The following RNF150 variants were observed in gnomAD, a reference collection of about 807,000 sequenced individuals.
RNF150 encodes the protein ring finger protein 150.
A neutral mutation model predicts 39.3 loss-of-function variants in RNF150; 24 were observed. The observed-to-expected ratio is 0.61, with a 90% confidence interval of 0.44 to 0.86. The LOEUF is 0.86. Among genes scored for constraint, RNF150 ranks in the 40% least tolerant of loss-of-function variants. The pLI, the probability that RNF150 is intolerant of heterozygous loss-of-function variation, is 0.00. For synonymous variants in RNF150, 255 were observed against 227.3 expected (o/e 1.12, Z -1.10); for missense variants, 502 against 587.8 (o/e 0.85, Z 1.51).
chr4:141,123,446 T>G (rs1182135337), intron 1 of RNF150, among the ~76,000 whole-genome samples: 1 of 152,196 alleles, frequency 6.6e-6, no homozygotes, highest in Non-Finnish European at 1.5e-5. Context: ...TCCAAAAAAT[T>G]TATAAGTAAC....
At chr4:141,063,954 G>T (rs187337846) in intron 1 of RNF150, among the ~76,000 whole-genome samples, 3 of 98,822 alleles carry the variant, frequency 3.0e-5, no homozygotes, top group East Asian at 6.2e-4. Context: ...TAAACTATAA[G>T]AACCATTTTG....
intron 4 of RNF150, among the ~76,000 whole-genome samples, chr4:140,935,063 TATATA>T (rs1731806450): frequency 3.2e-5 from 2 of 63,422 alleles, no homozygotes; most frequent in Admixed American, 1.7e-4. Context: ...ATATTATATA[TATATA>T]ATATATATAT....
Position 140,962,151 on chromosome 4 carries a change from CAT to C in RNF150, c.735+5470_735+5471del, listed in dbSNP as rs371186050. ...ATATATGAATACATATGAAGAAACA[CAT>C]ATAGTTTACATTTTTATTGTGTTTA... On this transcript the variant is annotated intron_variant, in intron 2 of 6. Transcript: ENST00000515673. Among the ~76,000 whole-genome samples, 85 of 151,236 alleles carry C rather than the reference CAT, an allele frequency of 5.6e-4. 1 individual carries two copies. The highest frequency in any genetic ancestry group is 2.0e-3 in the African/African-American group (84 of 41,320).
At chr4:141,126,147 G>A (rs1170339350) in intron 1 of RNF150, among the ~76,000 whole-genome samples, 1 of 151,848 alleles carries the variant, frequency 6.6e-6, no homozygotes, top group Non-Finnish European at 1.5e-5. Flanking sequence ...GATTATTTTG[G>A]CATGGAAGAT....
At chr4:141,169,192 G>A (rs1240136702) in intron 1 of RNF150, among the ~76,000 whole-genome samples, 1 of 152,066 alleles carries the variant, frequency 6.6e-6, no homozygotes, top group Admixed American at 6.6e-5. Context: ...TAGCGTGTGA[G>A]TTCTCATGAG....
chr4:141,003,735 A>G (rs1734760295), intron 1 of RNF150, among the ~76,000 whole-genome samples: 1 of 152,218 alleles, frequency 6.6e-6, no homozygotes, highest in African/African-American at 2.4e-5. Flanking sequence ...TCTCTACCAG[A>G]GAGGAGAATC....
At position 141,133,014 on chromosome 4, in the gene RNF150, T is replaced by G; in HGVS notation, c.-206A>C. The G allele has an allele frequency of 1.2e-5, 6 of 484,910 alleles. No homozygotes were observed. The highest frequency in any genetic ancestry group is 1.1e-5 in the Non-Finnish European group (3 of 276,648). The allele number at this position is 484,910 out of a possible 1,614,324, so 30.0% of individuals were successfully genotyped here. A position where few individuals can be genotyped will look rare whatever the true frequency, so the allele number is the denominator to read the frequency against. On this transcript the variant is annotated 5_prime_UTR_variant, in exon 1 of 7. Transcript: ENST00000515673. The stretch of plus-strand genomic sequence containing the variant: ...CGCTGGCCCCTTCCCCTCTCAGCTG[T>G]AGCGCGGTGGTTGCATTTTGCTTCT...
At chr4:141,136,819 A>G (rs1249567844), upstream of RNF150, among the ~76,000 whole-genome samples, 1 of 152,246 alleles carries the variant, frequency 6.6e-6, no homozygotes, top group African/African-American at 2.4e-5. Flanking sequence ...GACATCTGCT[A>G]TGAAGAAAAA....
chr4:140,922,030 C>G (rs1731176232), intron 5 of RNF150, among the ~76,000 whole-genome samples: 1 of 102,342 alleles, frequency 9.8e-6, no homozygotes, highest in Admixed American at 1.1e-4. Flanking sequence ...TGGGCAAAAA[C>G]TGGAAGCATT....
intron 2 of RNF150, among the ~76,000 whole-genome samples, chr4:140,962,381 T>C (rs566511337): frequency 2.2e-4 from 33 of 151,796 alleles, no homozygotes; most frequent in African/African-American, 7.0e-4. Flanking sequence ...ATATAAGACA[T>C]ATATATATAC....
rs1169596089 is a variant in RNF150, at chr4:140,999,993, AAAGAAGAAGAAGAAGAAGAAGAAG to A, written c.485-32144_485-32121del. On this transcript the variant is annotated intron_variant, in intron 1 of 6. Transcript: ENST00000515673. ...AGAAGAAGAAAAGAAGAAAAGAAGA[AAAGAAGAAGAAGAAGAAGAAGAAG>A]AAGAAGAAGAAGAAGAAGAAGAAGA... 9.2e-4 allele frequency among the ~76,000 whole-genome samples: 58 copies of A among 63,328 alleles called. 2 individuals are homozygous for A. The highest frequency in any genetic ancestry group is 2.6e-3 in the African/African-American group (50 of 18,898). 41.5% of individuals were successfully genotyped at this position (63,328 alleles called of 152,430 possible). A position where few individuals can be genotyped will look rare whatever the true frequency, so the allele number is the denominator to read the frequency against.
intron 2 of RNF150, among the ~76,000 whole-genome samples, chr4:140,956,786 G>T (rs1732772553): frequency 6.6e-6 from 1 of 152,070 alleles, no homozygotes; most frequent in African/African-American, 2.4e-5. Context: ...ACAAACCTGA[G>T]AAAAACAAGC....
chr4:141,050,428 A>T (rs773606374), intron 1 of RNF150, among the ~76,000 whole-genome samples: 4 of 152,218 alleles, frequency 2.6e-5, no homozygotes, highest in Non-Finnish European at 5.9e-5. Context: ...AAAAGTCCAT[A>T]GTCCAACATC....
At chr4:141,139,147 C>T (rs138718138) in intron 1 of RNF150, among the ~76,000 whole-genome samples, 72 of 152,194 alleles carry the variant, frequency 4.7e-4, no homozygotes, top group African/African-American at 1.6e-3. Flanking sequence ...CACAGGAGTT[C>T]GAGGCTGTGG....
intron 1 of RNF150, among the ~76,000 whole-genome samples, chr4:141,116,443 C>A (rs1739553628): frequency 6.6e-6 from 1 of 152,138 alleles, no homozygotes; most frequent in South Asian, 2.1e-4. Flanking sequence ...CGATGAGATA[C>A]CATCTCATTC....
At chr4:141,201,423 G>C (rs1440870621) in intron 1 of RNF150, among the ~76,000 whole-genome samples, 8 of 152,144 alleles carry the variant, frequency 5.3e-5, no homozygotes. Context: ...TATTATAAGT[G>C]ATTCTACACA....
chr4:140,914,173 A>T (rs146311027), intron 5 of RNF150, among the ~76,000 whole-genome samples: 281 of 152,320 alleles, frequency 1.8e-3, no homozygotes, highest in Non-Finnish European at 3.1e-3. Context: ...TGTATCTTTA[A>T]CAGAGTGGGT....
intron 1 of RNF150, among the ~76,000 whole-genome samples, chr4:141,206,956 G>A (rs563759848): frequency 3.0e-4 from 46 of 152,072 alleles, no homozygotes; most frequent in African/African-American, 9.4e-4. Context: ...CCTGGAGTCT[G>A]ATGTCCAAGG....
rs1483517761 is a variant in RNF150, at chr4:140,920,553, A to T, written c.987+5424T>A. Among the ~76,000 whole-genome samples the T allele has an allele frequency of 4.7e-5, 5 of 107,494 alleles. 1 individual carries two copies. Among genetic ancestry groups the T allele is most frequent in the Non-Finnish European group, 7.8e-5 (4 of 51,030 alleles). The allele number at this position is 107,494 out of a possible 152,430, so 70.5% of individuals were successfully genotyped here. ...CAGGAAACTACAGGTGCTGGAGAGG[A>T]TGTGGAGAAATAGGAACACTTTTAC... On this transcript the variant is annotated intron_variant, in intron 5 of 6. Coordinates refer to ENST00000515673, the MANE Select transcript of RNF150 (RefSeq NM_020724.2).
Sources: gnomAD v4.1 joint callset for allele counts (sites outside exome capture counted in the v4.1 genomes callset) on GRCh38, gnomAD v4.1.1 for gene constraint, MANE v1.5 for transcripts, NCBI Gene and HGNC (gene_info 2026-07-23, HGNC 2026-07-21) for gene names.